PHLDB2: variants seen among roughly 807,000 people sequenced by gnomAD.
PHLDB2 encodes pleckstrin homology like domain family B member 2.
Under a neutral mutation model 123.6 loss-of-function variants are expected in PHLDB2, and 71 were observed. The observed-to-expected ratio is 0.57, with a 90% CI of 0.47 to 0.70. PHLDB2 has a LOEUF of 0.70. Among genes scored for constraint, PHLDB2 ranks in the 30% least tolerant of loss-of-function variants. PHLDB2 has a pLI of 0.00. For missense variants in PHLDB2, 1,446 were observed against 1,519.5 expected (o/e 0.95, Z 0.80); for synonymous variants, 547 against 541.6 (o/e 1.01, Z -0.14).
At chr3:111,758,505 G>T (rs1245067676) in intron 1 of PHLDB2, among the ~76,000 whole-genome samples, 1 of 152,198 alleles carries the variant, frequency 6.6e-6, no homozygotes, top group Non-Finnish European at 1.5e-5. Context: ...GGTGCCATCT[G>T]TCACCCCTTT....
At chr3:111,974,292 G>A in intron 17 of PHLDB2, 131 bp from the exon 18 acceptor site, 1 of 860,812 alleles carries the variant, frequency 1.2e-6, no homozygotes. Flanking sequence ...GTGAGTTATA[G>A]TAGAGCAAAA....
At chr3:111,834,097 T>TTATATATATTATATATGTAATAGAAA (rs2063230599) in intron 1 of PHLDB2, among the ~76,000 whole-genome samples, 21 of 115,790 alleles carry the variant, frequency 1.8e-4, no homozygotes, top group East Asian at 2.7e-4. Context: ...TGTAATAGAA[T>TTATATATATTATATATGTAATAGAAA]TATATATATT....
At chr3:111,853,272 A>AG (rs1392066611) in intron 2 of PHLDB2, among the ~76,000 whole-genome samples, 2 of 152,234 alleles carry the variant, frequency 1.3e-5, no homozygotes, top group Admixed American at 1.3e-4. Flanking sequence ...GGATACAAAG[A>AG]GAAACAGTGG....
At chr3:111,808,703 T>C (rs1352893587) in intron 1 of PHLDB2, among the ~76,000 whole-genome samples, 1 of 152,166 alleles carries the variant, frequency 6.6e-6, no homozygotes, top group East Asian at 1.9e-4. Flanking sequence ...GGACTGGTGC[T>C]CTAATTAAAA....
chr3:111,862,376 TTTATC>T (rs2064875192), intron 1 of PHLDB2, among the ~76,000 whole-genome samples: 1 of 152,212 alleles, frequency 6.6e-6, no homozygotes, highest in Non-Finnish European at 1.5e-5. Flanking sequence ...AGTGATGTGC[TTTATC>T]TTAAAGTCCT....
chr3:111,873,378 T>C (rs1443254212), intron 1 of PHLDB2, among the ~76,000 whole-genome samples: 2 of 152,308 alleles, frequency 1.3e-5, no homozygotes, highest in Admixed American at 1.3e-4. Flanking sequence ...TTAGCCCAAA[T>C]AAAGACGGGA....
chr3:111,751,168 G>GGGGTGT (rs752825947), intron 1 of PHLDB2, among the ~76,000 whole-genome samples: 1 of 144,046 alleles, frequency 6.9e-6, no homozygotes, highest in African/African-American at 2.6e-5. Flanking sequence ...GAGACAATGG[G>GGGGTGT]GTGTGTGTGT....
intron 2 of PHLDB2, among the ~76,000 whole-genome samples, chr3:111,902,945 C>CAGTTTTTAT (rs1251989361): frequency 1.3e-5 from 2 of 152,118 alleles, no homozygotes; most frequent in South Asian, 2.1e-4. Flanking sequence ...GCAATTTATT[C>CAGTTTTTAT]AGTTTTTATT....
chr3:111,801,999 GTGGATATTATAGTATA>G (rs2061395385), intron 1 of PHLDB2, among the ~76,000 whole-genome samples: 1 of 152,206 alleles, frequency 6.6e-6, no homozygotes, highest in Non-Finnish European at 1.5e-5. Context: ...TTTATAAAGG[GTGGATATTATAGTATA>G]TGAATTCTAT....
intron 2 of PHLDB2, chr3:111,885,683 C>T: frequency 1.6e-6 from 1 of 634,294 alleles, no homozygotes; most frequent in South Asian, 1.9e-5. Context: ...AAAAACATAA[C>T]AGAGGAGTTG....
chr3:111,832,403 A>C (rs1018199954), intron 1 of PHLDB2, among the ~76,000 whole-genome samples: 1 of 151,566 alleles, frequency 6.6e-6, no homozygotes, highest in Non-Finnish European at 1.5e-5. Context: ...AAAAACAAAA[A>C]GATAAATTGT....
In PHLDB2 at chr3:111,920,268, G is replaced by C. The variant is rs140650010; in HGVS notation, c.1864-14G>C. The C allele has an allele frequency of 3.1e-6, 5 of 1,611,168 alleles. No individual in the cohort carries two copies. The African/African-American group carries it at 4.0e-5, about 13-fold the overall frequency. On this transcript the variant is annotated splice_polypyrimidine_tract_variant and intron_variant, in intron 4 of 17. Coordinates refer to ENST00000431670, the MANE Select transcript of PHLDB2 (RefSeq NM_001134438.2). ...AAAGGTGAAACACTTCTGAGCTTTG[G>C]TTTGTGTCCTTAGTTGGATATGGAA...
intron 1 of PHLDB2, among the ~76,000 whole-genome samples, chr3:111,784,548 C>G (rs1576591419): frequency 6.6e-6 from 1 of 152,076 alleles, no homozygotes; most frequent in East Asian, 1.9e-4. Flanking sequence ...TGCTGATAAG[C>G]AGCATAAGCA....
At chr3:111,834,201 TTATATATGTAATAGAATTA>T (rs1227570205) in intron 1 of PHLDB2, among the ~76,000 whole-genome samples, 9,354 of 61,058 alleles carry the variant, frequency 0.15, 2,340 homozygotes, top group Middle Eastern at 0.26. Context: ...TGTAATAGAA[TTATATATGTAATAGAATTA>T]TATATATATT....
At chr3:111,855,506 T>G (rs898046965), upstream of PHLDB2, among the ~76,000 whole-genome samples, 1 of 6,034 alleles carries the variant, frequency 1.7e-4, no homozygotes, top group Admixed American at 3.9e-3. Context: ...TTCCTTCTTT[T>G]CTTTCCTTTC....
intron 1 of PHLDB2, among the ~76,000 whole-genome samples, chr3:111,841,052 C>T (rs116473490): frequency 3.7e-3 from 568 of 152,128 alleles, no homozygotes; most frequent in African/African-American, 0.013. Context: ...TATAGTTACT[C>T]CATTCCAGAC....
chr3:111,923,431 G>A lies in PHLDB2; in HGVS notation c.2001+3012G>A, dbSNP rs556198543. On this transcript the variant is annotated intron_variant, in intron 5 of 17. Transcript: ENST00000431670. Reference sequence around the variant, plus strand: ...TCTCTCATCTGAACTCAGTTCTCTTGTACCCTCATGTCCTTCTATAGCTAT... The same window carrying A: ...TCTCTCATCTGAACTCAGTTCTCTTATACCCTCATGTCCTTCTATAGCTAT... Among the ~76,000 whole-genome samples, 8 of 152,128 alleles carry A rather than the reference G, an allele frequency of 5.3e-5. No homozygotes were observed. The East Asian group carries it at 1.4e-3, about 26-fold the overall frequency.
chr3:111,766,690 T>G (rs1399684726), intron 1 of PHLDB2, among the ~76,000 whole-genome samples: 2 of 152,034 alleles, frequency 1.3e-5, no homozygotes, highest in Non-Finnish European at 2.9e-5. Context: ...ACTGGACCCT[T>G]ACTAGGTAGT....
chr3:111,961,676 C>CT (rs1156712367), intron 12 of PHLDB2, among the ~76,000 whole-genome samples: 1 of 152,190 alleles, frequency 6.6e-6, no homozygotes, highest in African/African-American at 2.4e-5. Context: ...TATGACCAGA[C>CT]TGAGTGCTCC....
Sources: allele counts gnomAD v4.1 joint callset (sites outside exome capture counted in the v4.1 genomes callset), GRCh38; gene constraint gnomAD v4.1.1; transcripts MANE v1.5; gene names NCBI Gene and HGNC (gene_info 2026-07-23, HGNC 2026-07-21).